SPRYD4: variants seen among roughly 807,000 people sequenced by gnomAD.
SPRYD4 encodes the protein SPRY domain-containing protein 4.
Under a neutral mutation model 16.6 loss-of-function variants are expected in SPRYD4, and 12 were observed. That is an observed-to-expected ratio of 0.72 (90% confidence interval 0.46 to 1.17). SPRYD4 has a LOEUF of 1.17. Ranked by LOEUF, SPRYD4 falls within the 50% of genes most tolerant of loss-of-function variation. The pLI, the probability that SPRYD4 is intolerant of heterozygous loss-of-function variation, is 0.00. For synonymous variants in SPRYD4, 98 were observed against 105.4 expected, an observed-to-expected ratio of 0.93 and a Z score of 0.43; for missense variants, 260 against 260.2, an observed-to-expected ratio of 1.00 and a Z score of 0.00.
chr12:56,473,009 C>G lies in SPRYD4; in HGVS notation c.*3432C>G. On this transcript the variant is annotated 3_prime_UTR_variant, in exon 2 of 2. Coordinates refer to ENST00000338146, the MANE Select transcript of SPRYD4 (RefSeq NM_207344.4). ...GTTTCAAGCGATTCTCCTGCCTCAG[C>G]CTCCCAAGTAGCTGGGACCACAGGC... 1.7e-6 allele frequency: 1 copy of G among 595,868 alleles called. No individual in the cohort carries two copies. 36.9% of individuals were successfully genotyped at this position (595,868 alleles called of 1,614,324 possible).
At position 56,473,570 on chromosome 12, in the gene SPRYD4, C is replaced by A; in HGVS notation, c.*3993C>A. 6.2e-7 allele frequency: 1 copy of A among 1,612,252 alleles called. No homozygotes were observed. Among genetic ancestry groups the A allele is most frequent in the Non-Finnish European group, 8.5e-7 (1 of 1,179,734 alleles). ...ACCACCAGGAGGATGGCTCCTGATA[C>A]AGCTGACTTGGCTGGCAGGCCCACC... On this transcript the variant is annotated 3_prime_UTR_variant, in exon 2 of 2. Transcript: ENST00000338146.
At position 56,475,743 on chromosome 12, in the gene SPRYD4, C is replaced by G; in HGVS notation, c.*6166C>G. ...GTTAAGAAGCTCTATTAATACCTCA[C>G]AGGTTGACTAGCCCTTCTGAACTCA... On this transcript the variant is annotated 3_prime_UTR_variant, in exon 2 of 2. Transcript: ENST00000338146. 6.4e-7 allele frequency: 1 copy of G among 1,564,738 alleles called. No individual in the cohort carries two copies.
At position 56,472,453 on chromosome 12, in the gene SPRYD4, A is replaced by C; in HGVS notation, c.*2876A>C. The C allele has an allele frequency of 1.7e-6, 1 of 600,656 alleles. No individual in the cohort carries two copies. The allele number at this position is 600,656 out of a possible 1,614,324, so 37.2% of individuals were successfully genotyped here. ...AGTGCCCATTTGAGGCAGGGTACCT[A>C]CTTCCTAGGACACTGCTCTTAACAC... On this transcript the variant is annotated 3_prime_UTR_variant, in exon 2 of 2. Coordinates refer to ENST00000338146, the MANE Select transcript of SPRYD4 (RefSeq NM_207344.4).
In SPRYD4 at chr12:56,469,382, G is replaced by A. The variant is rs1019055433; in HGVS notation, c.429G>A (p.Glu143=). The A allele has an allele frequency of 6.2e-7, 1 of 1,614,164 alleles. No homozygotes were observed. The highest frequency in any genetic ancestry group is 8.5e-7 in the Non-Finnish European group (1 of 1,180,036). The change falls in exon 2 of 2, where the codon GAG becomes GAA. Residue 143 remains glutamate, a synonymous_variant. Transcript: ENST00000338146. ...TGGCCAACGAGAAAGCCCCAGTTGA[G>A]GGTATTGGGCAGCCAGAGAAGGTGG... ...TMLANEKAPV[E]GIGQPEKVGL...
In SPRYD4 at chr12:56,478,358, A is replaced by G. The variant is rs145141347; in HGVS notation, c.*8781A>G. 7.7e-5 allele frequency: 104 copies of G among 1,344,772 alleles called. No homozygotes were observed. The African/African-American group carries it at 1.1e-3, about 14-fold the overall frequency. 83.3% of individuals were successfully genotyped at this position (1,344,772 alleles called of 1,614,324 possible). ...AGAGAATCTTTTAGATAAAAGCTAA[A>G]ATTCTGTCTTCTATAGGGCAGAGGG... On this transcript the variant is annotated 3_prime_UTR_variant, in exon 2 of 2. Coordinates refer to ENST00000338146, the MANE Select transcript of SPRYD4 (RefSeq NM_207344.4).
Position 56,472,840 on chromosome 12 carries a change from A to C in SPRYD4, c.*3263A>C. 1 of 1,060,722 alleles carries C rather than the reference A, an allele frequency of 9.4e-7. No individual in the cohort carries two copies. The highest frequency in any genetic ancestry group is 2.0e-4 in the Middle Eastern group (1 of 4,990). 65.7% of individuals were successfully genotyped at this position (1,060,722 alleles called of 1,614,324 possible). ...ACCCTCCTCCATGGATGCTTAGTCC[A>C]AGGGTATTGCTGAAGTGTTATGGAA... On this transcript the variant is annotated 3_prime_UTR_variant, in exon 2 of 2. Transcript: ENST00000338146.
Position 56,471,325 on chromosome 12 carries a change from G to T in SPRYD4, c.*1748G>T. 1 of 684,484 alleles carries T rather than the reference G, an allele frequency of 1.5e-6. No individual in the cohort carries two copies. The highest frequency in any genetic ancestry group is 2.4e-6 in the Non-Finnish European group (1 of 418,914). 42.4% of individuals were successfully genotyped at this position (684,484 alleles called of 1,614,324 possible). A position where few individuals can be genotyped will look rare whatever the true frequency, so the allele number is the denominator to read the frequency against. ...TCTGTACTCTGTCTGCTGAGGGAAT[G>T]GGGTATTTTGACTCCCATAGAAAGC... On this transcript the variant is annotated 3_prime_UTR_variant, in exon 2 of 2. Coordinates refer to ENST00000338146, the MANE Select transcript of SPRYD4 (RefSeq NM_207344.4).
At position 56,472,267 on chromosome 12, in the gene SPRYD4, T is replaced by G. The variant is rs1869352300; in HGVS notation, c.*2690T>G. On this transcript the variant is annotated 3_prime_UTR_variant, in exon 2 of 2. Transcript: ENST00000338146. The stretch of plus-strand genomic sequence containing the variant: ...ATCACAGGTGTTCTTTGTGAACTGG[T>G]GTCAGACTGGATGAGTTTCAGAGAA... 4 of 1,368,824 alleles carry G rather than the reference T, an allele frequency of 2.9e-6. No individual in the cohort carries two copies. The highest frequency in any genetic ancestry group is 4.2e-6 in the Non-Finnish European group (4 of 959,726). 84.8% of individuals were successfully genotyped at this position (1,368,824 alleles called of 1,614,324 possible). A position where few individuals can be genotyped will look rare whatever the true frequency, so the allele number is the denominator to read the frequency against.
chr12:56,477,622 G>C lies in SPRYD4; in HGVS notation c.*8045G>C, dbSNP rs1011413354. 1.9e-6 allele frequency: 3 copies of C among 1,585,068 alleles called. No individual in the cohort carries two copies. Among genetic ancestry groups the C allele is most frequent in the Admixed American group, 1.8e-5 (1 of 57,060 alleles). On this transcript the variant is annotated 3_prime_UTR_variant, in exon 2 of 2. Coordinates refer to ENST00000338146, the MANE Select transcript of SPRYD4 (RefSeq NM_207344.4). ...AGGGATACAGGAACACAGGAGCTTAGAGGATAATACCTATCAGAAGGTTAA... is the reference window on the plus strand; with the variant it reads ...AGGGATACAGGAACACAGGAGCTTACAGGATAATACCTATCAGAAGGTTAA...
chr12:56,479,579 T>G lies in SPRYD4; in HGVS notation c.*10002T>G, dbSNP rs1870121492. ...TACTTCTGGGAAAAGAGGACAGGGA[T>G]TGAGTAGGGAGGGAAAGGAGAACAT... On this transcript the variant is annotated 3_prime_UTR_variant, in exon 2 of 2. Coordinates refer to ENST00000338146, the MANE Select transcript of SPRYD4 (RefSeq NM_207344.4). The G allele has an allele frequency of 3.5e-6, 2 of 574,848 alleles. No homozygotes were observed. The highest frequency in any genetic ancestry group is 2.7e-6 in the Non-Finnish European group (1 of 370,110). The allele number at this position is 574,848 out of a possible 1,614,324, so 35.6% of individuals were successfully genotyped here. A position where few individuals can be genotyped will look rare whatever the true frequency, so the allele number is the denominator to read the frequency against.
Position 56,477,205 on chromosome 12 carries a change from C to G in SPRYD4, c.*7628C>G, listed in dbSNP as rs2136186873. On this transcript the variant is annotated 3_prime_UTR_variant, in exon 2 of 2. Coordinates refer to ENST00000338146, the MANE Select transcript of SPRYD4 (RefSeq NM_207344.4). ...GGAGACCTACAGCTGATGGGCTAGT[C>G]TGACACCCTGTTCAAGGCCAACTCA... The G allele has an allele frequency of 6.5e-6, 1 of 153,518 alleles. No individual in the cohort carries two copies. The highest frequency in any genetic ancestry group is 1.9e-4 in the East Asian group (1 of 5,210). The allele number at this position is 153,518 out of a possible 1,614,324, so 9.5% of individuals were successfully genotyped here.
Position 56,469,330 on chromosome 12 carries a change from A to G in SPRYD4, c.377A>G (p.Tyr126Cys). ...GVDDRSWVFT[Y>C]AQRKWYTMLA... ...GATGATCGTTCCTGGGTGTTCACCT[A>G]TGCCCAGCGCAAGTGGTACACCATG... The change falls in exon 2 of 2, where the codon TAT (tyrosine) becomes TGT (cysteine). Residue 126 changes from tyrosine to cysteine, a missense_variant. Coordinates refer to ENST00000338146, the MANE Select transcript of SPRYD4 (RefSeq NM_207344.4). 6.2e-7 allele frequency: 1 copy of G among 1,614,128 alleles called. No homozygotes were observed. The highest frequency in any genetic ancestry group is 8.5e-7 in the Non-Finnish European group (1 of 1,179,982).
Position 56,474,877 on chromosome 12 carries a change from T to G in SPRYD4, c.*5300T>G. ...GTAGAGATCAAGGGCAGCCATCATG[T>G]CCACCCCCTTAGGAAAGCACTGCAA... On this transcript the variant is annotated 3_prime_UTR_variant, in exon 2 of 2. Coordinates refer to ENST00000338146, the MANE Select transcript of SPRYD4 (RefSeq NM_207344.4). The G allele has an allele frequency of 6.2e-7, 1 of 1,614,166 alleles. No individual in the cohort carries two copies. The highest frequency in any genetic ancestry group is 8.5e-7 in the Non-Finnish European group (1 of 1,180,030).
At position 56,472,088 on chromosome 12, in the gene SPRYD4, C is replaced by T. The variant is rs770311728; in HGVS notation, c.*2511C>T. The stretch of plus-strand genomic sequence containing the variant: ...GAAAAAGAAAGGGTCTTATGATTAC[C>T]CTCCTCCTCCCCTCCTTAACCCTTC... On this transcript the variant is annotated 3_prime_UTR_variant, in exon 2 of 2. Transcript: ENST00000338146. 12 of 1,605,280 alleles carry T rather than the reference C, an allele frequency of 7.5e-6. No homozygotes were observed. Among genetic ancestry groups the T allele is most frequent in the African/African-American group, 6.7e-5 (5 of 74,698 alleles).
Position 56,475,803 on chromosome 12 carries a change from C to G in SPRYD4, c.*6226C>G. ...AAGAGGCTTTCCTCTCTGAGGCCAG[C>G]AGATTTCCACATTTCTGGAAATAAG... On this transcript the variant is annotated 3_prime_UTR_variant, in exon 2 of 2. Transcript: ENST00000338146. The G allele has an allele frequency of 7.2e-7, 1 of 1,388,208 alleles. No individual in the cohort carries two copies. Among genetic ancestry groups the G allele is most frequent in the Non-Finnish European group, 1.0e-6 (1 of 980,024 alleles). 86.0% of individuals were successfully genotyped at this position (1,388,208 alleles called of 1,614,324 possible).
At position 56,474,650 on chromosome 12, in the gene SPRYD4, C is replaced by T; in HGVS notation, c.*5073C>T. 6.2e-7 allele frequency: 1 copy of T among 1,613,966 alleles called. No homozygotes were observed. Among genetic ancestry groups the T allele is most frequent in the Non-Finnish European group, 8.5e-7 (1 of 1,179,906 alleles). ...CAGCACACTCTCGCCTGTGATGGGG[C>T]AGATCCCACCGTTGGCGAGGGTGGC... On this transcript the variant is annotated 3_prime_UTR_variant, in exon 2 of 2. Transcript: ENST00000338146.
In SPRYD4 at chr12:56,474,236, C is replaced by T; in HGVS notation, c.*4659C>T. ...TCCCAAGTAGCTGGGATTACAGGTG[C>T]ACACCACCACCCCCGGCTAATTTTT... is the stretch of plus-strand genomic sequence containing the variant. On this transcript the variant is annotated 3_prime_UTR_variant, in exon 2 of 2. Coordinates refer to ENST00000338146, the MANE Select transcript of SPRYD4 (RefSeq NM_207344.4). 2.8e-6 allele frequency: 1 copy of T among 355,040 alleles called. No homozygotes were observed. Among genetic ancestry groups the T allele is most frequent in the Non-Finnish European group, 5.3e-6 (1 of 187,118 alleles). The allele number at this position is 355,040 out of a possible 1,614,324, so 22.0% of individuals were successfully genotyped here.
At position 56,476,016 on chromosome 12, in the gene SPRYD4, G is replaced by C. The variant is rs1157746047; in HGVS notation, c.*6439G>C. 6 of 1,602,516 alleles carry C rather than the reference G, an allele frequency of 3.7e-6. No individual in the cohort carries two copies. In the South Asian group the frequency reaches 5.5e-5, roughly 15 times the overall value. On this transcript the variant is annotated 3_prime_UTR_variant, in exon 2 of 2. Transcript: ENST00000338146. ...GAGAGATGTCAGCATTCTAAGTGTA[G>C]GAGGATGACAGAGGGAAGGGTCAGA...
Position 56,473,551 on chromosome 12 carries a change from A to G in SPRYD4, c.*3974A>G. On this transcript the variant is annotated 3_prime_UTR_variant, in exon 2 of 2. Transcript: ENST00000338146. ...CATTCCCATGACATTGGGTACCACC[A>G]GGAGGATGGCTCCTGATACAGCTGA... The G allele has an allele frequency of 6.2e-7, 1 of 1,613,268 alleles. No individual in the cohort carries two copies. Among genetic ancestry groups the G allele is most frequent in the Non-Finnish European group, 8.5e-7 (1 of 1,179,990 alleles).
Sources: allele counts gnomAD v4.1 joint callset, GRCh38; gene constraint gnomAD v4.1.1; transcripts MANE v1.5; gene names NCBI Gene and HGNC (gene_info 2026-07-23, HGNC 2026-07-21).